The following ROBO1 variants were observed in gnomAD, a reference collection of about 807,000 sequenced individuals.
The protein encoded by ROBO1 is roundabout homolog 1.
ROBO1 carries 149 observed loss-of-function variants against 195.9 expected under a neutral mutation model. That is an observed-to-expected ratio of 0.76 (90% CI 0.67 to 0.87). The LOEUF is 0.87. Ranked by LOEUF, ROBO1 falls within the 40% of genes least tolerant of loss-of-function variation. The probability of loss-of-function intolerance (pLI) is 0.00; values close to 1 mark genes in which losing one functional copy is unlikely to be tolerated. For synonymous variants in ROBO1, 816 were observed against 733.2 expected (o/e 1.11, Z -1.82); for missense variants, 1,933 against 2,068.3 (o/e 0.93, Z 1.27).
At chr3:79,530,638 T>C (rs1311989141) in intron 2 of ROBO1, among the ~76,000 whole-genome samples, 1 of 152,072 alleles carries the variant, frequency 6.6e-6, no homozygotes, top group Admixed American at 6.6e-5. Flanking sequence ...GCTACTCTTG[T>C]CAAAATTGCT....
chr3:79,401,544 T>G (rs1241883692), intron 2 of ROBO1, among the ~76,000 whole-genome samples: 2 of 151,890 alleles, frequency 1.3e-5, no homozygotes, highest in African/African-American at 2.4e-5. Flanking sequence ...GAGGAAGGGA[T>G]AGGGCTTCTT....
At chr3:78,762,829 T>C (rs1411818755) in intron 4 of ROBO1, among the ~76,000 whole-genome samples, 1 of 152,080 alleles carries the variant, frequency 6.6e-6, no homozygotes, top group Non-Finnish European at 1.5e-5. Context: ...TTATTTCTCT[T>C]TGCTTAGAAA....
At chr3:78,626,521 C>T (rs563095505) in intron 26 of ROBO1, among the ~76,000 whole-genome samples, 6 of 151,998 alleles carry the variant, frequency 3.9e-5, no homozygotes, top group Non-Finnish European at 8.8e-5. Context: ...AAATAATATA[C>T]TCAATTTCAA....
At chr3:79,146,539 A>C (rs966786371) in intron 2 of ROBO1, among the ~76,000 whole-genome samples, 3 of 151,982 alleles carry the variant, frequency 2.0e-5, no homozygotes, top group East Asian at 3.9e-4. Flanking sequence ...GTGTCTGTGC[A>C]TGTATATATA....
At chr3:78,999,544 G>C (rs981996113) in intron 3 of ROBO1, among the ~76,000 whole-genome samples, 4 of 152,022 alleles carry the variant, frequency 2.6e-5, no homozygotes, top group African/African-American at 9.7e-5. Context: ...GACTGCCAGA[G>C]GGGAAAGGAA....
rs185304961 is a variant in ROBO1, at chr3:79,665,872, A to G, written c.-50-75911T>C. Among the ~76,000 whole-genome samples the G allele has an allele frequency of 3.9e-3, 590 of 152,030 alleles. 5 individuals are homozygous for G. Among genetic ancestry groups the G allele is most frequent in the African/African-American group, 0.014 (575 of 41,516 alleles). ...AGACCTTAATTTCACAACTCAGAGGAGTAGGTAGGCTGAAGGAATCATCAC... is the reference window on the plus strand; with the variant it reads ...AGACCTTAATTTCACAACTCAGAGGGGTAGGTAGGCTGAAGGAATCATCAC... On this transcript the variant is annotated intron_variant, in intron 1 of 30. Transcript: ENST00000464233.
intron 2 of ROBO1, among the ~76,000 whole-genome samples, chr3:79,361,931 GGTA>G (rs2035784213): frequency 6.6e-6 from 1 of 151,984 alleles, no homozygotes; most frequent in Admixed American, 6.6e-5. Flanking sequence ...AGTTTTCCAA[GGTA>G]GTAGCGTCCA....
chr3:79,629,174 T>A lies in ROBO1; in HGVS notation c.-50-39213A>T, dbSNP rs989260473. 1.5e-4 allele frequency among the ~76,000 whole-genome samples: 23 copies of A among 152,130 alleles called. 1 individual carries two copies. Among genetic ancestry groups the A allele is most frequent in the African/African-American group, 5.1e-4 (21 of 41,446 alleles). The stretch of plus-strand genomic sequence containing the variant: ...GGCCTACTAGACATTTTCACAACAT[T>A]TCATTCAACAACTGCAGAATATATA... On this transcript the variant is annotated intron_variant, in intron 1 of 30. Transcript: ENST00000464233.
chr3:78,878,575 C>A (rs1236623566), intron 4 of ROBO1, among the ~76,000 whole-genome samples: 31 of 137,490 alleles, frequency 2.3e-4, no homozygotes, highest in African/African-American at 7.3e-4. Context: ...AAGAGTGAAA[C>A]CCCATCTCAA....
chr3:78,605,008 T>C (rs1703384243), intron 29 of ROBO1, among the ~76,000 whole-genome samples: 1 of 152,158 alleles, frequency 6.6e-6, no homozygotes, highest in South Asian at 2.1e-4. Context: ...TTCCTCCTCA[T>C]CCCAAACTTC....
intron 3 of ROBO1, among the ~76,000 whole-genome samples, chr3:79,047,970 G>A (rs1454512110): frequency 1.3e-5 from 2 of 152,080 alleles, no homozygotes; most frequent in Non-Finnish European, 2.9e-5. Flanking sequence ...AACACTAGAA[G>A]CCTTGCCGTG....
rs556334826 is a variant in ROBO1 at position 79,683,664 on chromosome 3, C to T, written c.-51+84088G>A. Reference sequence around the variant, plus strand: ...TCTACTTTCTGTCTCTATGGATGTGCCTATTCTGGGCATTTCATATAAATG... The same window carrying T: ...TCTACTTTCTGTCTCTATGGATGTGTCTATTCTGGGCATTTCATATAAATG... On this transcript the variant is annotated intron_variant, in intron 1 of 30. Transcript: ENST00000464233. Among the ~76,000 whole-genome samples, 7 of 152,156 alleles carry T rather than the reference C, an allele frequency of 4.6e-5. No homozygotes were observed. The South Asian group carries it at 1.5e-3, about 32-fold the overall frequency.
At chr3:79,602,032 C>G (rs1354335177) in intron 1 of ROBO1, among the ~76,000 whole-genome samples, 1 of 151,888 alleles carries the variant, frequency 6.6e-6, no homozygotes, top group African/African-American at 2.4e-5. Context: ...TCCATTAATA[C>G]TTAAATGAGC....
intron 1 of ROBO1, among the ~76,000 whole-genome samples, chr3:79,684,889 C>T (rs1028166011): frequency 2.6e-5 from 4 of 151,814 alleles, no homozygotes; most frequent in African/African-American, 4.8e-5. Flanking sequence ...TTGCCCGGGC[C>T]GGTTGCACAC....
chr3:79,021,654 T>A (rs2078104489), intron 3 of ROBO1, among the ~76,000 whole-genome samples: 1 of 1,162 alleles, frequency 8.6e-4, no homozygotes. Context: ...AGAGATGATT[T>A]TTTTTTTTTT....
At chr3:79,038,751 G>C (rs2078427888) in intron 3 of ROBO1, among the ~76,000 whole-genome samples, 1 of 151,274 alleles carries the variant, frequency 6.6e-6, no homozygotes, top group Admixed American at 6.6e-5. Flanking sequence ...CATCGCATCT[G>C]GTACTAAATT....
At chr3:79,111,209 T>C (rs1351576744) in intron 3 of ROBO1, among the ~76,000 whole-genome samples, 1 of 152,194 alleles carries the variant, frequency 6.6e-6, no homozygotes, top group Non-Finnish European at 1.5e-5. Flanking sequence ...TTTTGTCTAA[T>C]AGCCATAGGG....
At chr3:78,610,994 G>A (rs1703774867) in intron 28 of ROBO1, among the ~76,000 whole-genome samples, 1 of 152,142 alleles carries the variant, frequency 6.6e-6, no homozygotes. Flanking sequence ...ACCATGAGTA[G>A]TACAAATTGG....
At chr3:79,123,745 TATAAAG>T (rs891788227) in intron 3 of ROBO1, among the ~76,000 whole-genome samples, 4 of 152,058 alleles carry the variant, frequency 2.6e-5, no homozygotes, top group Non-Finnish European at 2.9e-5. Flanking sequence ...CATTATAGAC[TATAAAG>T]ATAATTTTAT....
Sources: allele counts gnomAD v4.1 joint callset (sites outside exome capture counted in the v4.1 genomes callset), GRCh38; gene constraint gnomAD v4.1.1; transcripts MANE v1.5; gene names NCBI Gene and HGNC (gene_info 2026-07-23, HGNC 2026-07-21).